Variants in DMD observed in about 807,000 individuals in gnomAD.
The protein encoded by DMD is dystrophin.
In DMD, 63 loss-of-function variants were observed where a neutral mutation model predicts 330.1. The ratio of observed to expected loss-of-function variants is 0.19; its 90% CI spans 0.16 to 0.24. The LOEUF (loss-of-function observed/expected upper bound fraction) is 0.24, where lower values mean the gene tolerates loss of function less well. Ranked by LOEUF, DMD falls within the 10% of genes least tolerant of loss-of-function variation. DMD has a pLI of 1.00. For synonymous variants in DMD, 1,223 were observed against 959.8 expected, an observed-to-expected ratio of 1.27 and a Z score of -5.07; for missense variants, 3,344 against 2,684.1, an observed-to-expected ratio of 1.25 and a Z score of -5.43.
chrX:31,393,011 A>C (rs913481361), intron 60 of DMD, among the ~76,000 whole-genome samples: 5 of 112,262 alleles, frequency 4.5e-5, no homozygotes, highest in Non-Finnish European at 9.4e-5. Context: ...AAGGTACCTC[A>C]TTCAGCCATA....
At chrX:32,513,385 T>C (rs2045539512) in intron 18 of DMD, among the ~76,000 whole-genome samples, 1 of 112,543 alleles carries the variant, frequency 8.9e-6, no homozygotes, top group African/African-American at 3.2e-5. Context: ...AATATAACAT[T>C]AGTAGCAGGG....
intron 64 of DMD, among the ~76,000 whole-genome samples, chrX:31,219,698 A>G: frequency 9.1e-6 from 1 of 110,218 alleles, no homozygotes; most frequent in East Asian, 2.9e-4. Flanking sequence ...CAATAATTGT[A>G]ATCTCACCCT....
intron 37 of DMD, among the ~76,000 whole-genome samples, chrX:32,360,721 A>G (rs958376519): frequency 9.2e-6 from 1 of 108,690 alleles, no homozygotes; most frequent in African/African-American, 3.4e-5. Flanking sequence ...CAGGAGGCAG[A>G]GGTTGCAGTG....
At chrX:31,143,129 C>T (rs1321174829) in intron 76 of DMD, among the ~76,000 whole-genome samples, 1 of 111,493 alleles carries the variant, frequency 9.0e-6, no homozygotes, top group Non-Finnish European at 1.9e-5. Context: ...AGGCTTTTTT[C>T]CTTTTTAAAT....
chrX:32,663,829 G>A (rs2061107734), intron 9 of DMD, among the ~76,000 whole-genome samples: 1 of 111,627 alleles, frequency 9.0e-6, no homozygotes, highest in South Asian at 3.8e-4. Flanking sequence ...AAAGATATGA[G>A]AGAGTAAGTC....
At chrX:33,075,121 A>G (rs1043667545) in intron 1 of DMD, among the ~76,000 whole-genome samples, 2 of 111,739 alleles carry the variant, frequency 1.8e-5, no homozygotes, top group African/African-American at 6.5e-5. Context: ...TCACTATTGT[A>G]GAACTTAAGA....
At position 31,121,821 on chromosome X, in the gene DMD, G is replaced by C. The variant is rs377175004; in HGVS notation, c.*98C>G. 9 of 1,118,537 alleles carry C rather than the reference G, an allele frequency of 8.0e-6. No individual in the cohort carries two copies. The highest frequency in any genetic ancestry group is 1.1e-5 in the Non-Finnish European group (9 of 812,035). 92.2% of individuals were successfully genotyped at this position (1,118,537 alleles called of 1,213,427 possible). On this transcript the variant is annotated 3_prime_UTR_variant, in exon 79 of 79. Transcript: ENST00000357033. ...TATAAAAACCATGCGGGAATCAGGAGTTGTAAAACATTTATTCTGCTCCTT... is the reference window on the plus strand; with the variant it reads ...TATAAAAACCATGCGGGAATCAGGACTTGTAAAACATTTATTCTGCTCCTT...
chrX:32,435,275 CATATATAT>C (rs57376337), intron 29 of DMD, among the ~76,000 whole-genome samples: 19 of 79,638 alleles, frequency 2.4e-4, no homozygotes, highest in South Asian at 1.4e-3. Flanking sequence ...TATATACTTA[CATATATAT>C]ATATATATAT....
intron 18 of DMD, 154 bp downstream of exon 18, chrX:32,517,854 T>G: frequency 1.6e-6 from 1 of 629,081 alleles, no homozygotes. Context: ...AACTTTGATT[T>G]TGCTTGCTAT....
chrX:31,614,371 G>A (rs2078084915), intron 55 of DMD, among the ~76,000 whole-genome samples: 2 of 111,926 alleles, frequency 1.8e-5, no homozygotes, highest in South Asian at 7.4e-4. Flanking sequence ...TATTTGCAAA[G>A]GTGTTGGAGG....
intron 1 of DMD, among the ~76,000 whole-genome samples, chrX:33,139,075 G>A (rs776738325): frequency 9.0e-6 from 1 of 110,810 alleles, no homozygotes; most frequent in East Asian, 2.8e-4. Context: ...CCGAGAGGCC[G>A]AGATGGGCGG....
chrX:33,045,218 G>C (rs2094360685), intron 1 of DMD, among the ~76,000 whole-genome samples: 1 of 109,727 alleles, frequency 9.1e-6, no homozygotes, highest in Non-Finnish European at 1.9e-5. Context: ...AATAGGATTA[G>C]TTGCCTGTGA....
intron 55 of DMD, among the ~76,000 whole-genome samples, chrX:31,546,984 A>C (rs2074176761): frequency 8.9e-6 from 1 of 112,478 alleles, no homozygotes; most frequent in African/African-American, 3.2e-5. Context: ...CGATAACTCA[A>C]ATTTCCAATT....
chrX:32,036,737 C>T (rs954658481), intron 44 of DMD, among the ~76,000 whole-genome samples: 4 of 111,652 alleles, frequency 3.6e-5, no homozygotes, highest in African/African-American at 1.3e-4. Context: ...AGATTACCCA[C>T]ATAATGTCAA....
chrX:32,593,301 G>T (rs924753872), intron 13 of DMD, among the ~76,000 whole-genome samples: 1 of 112,585 alleles, frequency 8.9e-6, no homozygotes, highest in Admixed American at 9.3e-5. Context: ...CATCTGTTGC[G>T]TTCAAAGTTC....
intron 44 of DMD, among the ~76,000 whole-genome samples, chrX:32,128,143 AG>A (rs2096670876): frequency 8.9e-6 from 1 of 112,476 alleles, no homozygotes; most frequent in South Asian, 3.6e-4. Context: ...CTGTAAAACA[AG>A]TAAAATTATA....
chrX:32,888,544 C>T (rs1160418445), intron 2 of DMD, among the ~76,000 whole-genome samples: 7 of 111,390 alleles, frequency 6.3e-5, no homozygotes, highest in African/African-American at 2.3e-4. Context: ...AAGAGGGAAA[C>T]CTTGGACCCT....
intron 6 of DMD, among the ~76,000 whole-genome samples, chrX:32,815,520 T>TATATATATATACACACACACACACACAC: frequency 1.3e-5 from 1 of 78,920 alleles, no homozygotes; most frequent in African/African-American, 5.3e-5. Flanking sequence ...TATATATATA[T>TATATATATATACACACACACACACACAC]ACACACACAC....
intron 34 of DMD, 94 bp downstream of exon 34, chrX:32,380,416 A>C: frequency 2.5e-6 from 2 of 802,231 alleles, no homozygotes; most frequent in Non-Finnish European, 1.9e-6. Context: ...AATATTTATA[A>C]TGCTATTATT....
Sources: allele counts gnomAD v4.1 joint callset (sites outside exome capture counted in the v4.1 genomes callset), GRCh38; gene constraint gnomAD v4.1.1; transcripts MANE v1.5; gene names NCBI Gene and HGNC (gene_info 2026-07-23, HGNC 2026-07-21).